The following BRWD1 variants were observed in gnomAD, a reference collection of about 807,000 sequenced individuals.
BRWD1 encodes the protein bromodomain and WD repeat domain containing 1, also known as bromodomain and WD repeat-containing protein 1.
A neutral mutation model predicts 251.2 loss-of-function variants in BRWD1; 82 were observed. The observed-to-expected ratio is 0.33, with a 90% CI of 0.27 to 0.39. The LOEUF (loss-of-function observed/expected upper bound fraction) is 0.39, where lower values mean the gene tolerates loss of function less well. Among genes scored for constraint, BRWD1 ranks in the 10% least tolerant of loss-of-function variants. The probability of loss-of-function intolerance (pLI) is 1.00; values close to 1 mark genes in which losing one functional copy is unlikely to be tolerated. For missense variants in BRWD1, 2,233 were observed against 2,711.6 expected, an observed-to-expected ratio of 0.82 and a Z score of 3.92; for synonymous variants, 918 against 902.8, an observed-to-expected ratio of 1.02 and a Z score of -0.30.
Position 39,200,349 on chromosome 21 carries a change from T to C in BRWD1, c.4623A>G (p.Ser1541=), listed in dbSNP as rs1336856536. 1.9e-6 allele frequency: 3 copies of C among 1,613,454 alleles called. No individual in the cohort carries two copies. The highest frequency in any genetic ancestry group is 1.7e-5 in the Admixed American group (1 of 59,794). ...EVEDSLATSL[S]SSASSSSEES... Reference sequence around the variant, plus strand: ...CCTCAGAACTACTGGAAGCTGACGATGACAAAGAGGTAGCTAAAGAATCTT... The same window carrying C: ...CCTCAGAACTACTGGAAGCTGACGACGACAAAGAGGTAGCTAAAGAATCTT... Residue 1541 remains serine, a synonymous_variant, in exon 39 of 41, where the codon TCA becomes TCG. Coordinates refer to ENST00000342449, the MANE Select transcript of BRWD1 (RefSeq NM_033656.4).
At chr21:39,236,448 G>A in intron 23 of BRWD1, 147 bp downstream of exon 23, 1 of 700,376 alleles carries the variant, frequency 1.4e-6, no homozygotes. Context: ...AGGGCTGACA[G>A]CTCGCCCAGA....
intron 8 of BRWD1, among the ~76,000 whole-genome samples, chr21:39,287,605 T>C (rs576419575): frequency 6.6e-6 from 1 of 152,346 alleles, no homozygotes; most frequent in African/African-American, 2.4e-5. Flanking sequence ...TACCCCTTTT[T>C]CAAATCTGAT....
At position 39,304,663 on chromosome 21, in the gene BRWD1, C is replaced by T. The variant is rs143584643; in HGVS notation, c.199-6081G>A. Among the ~76,000 whole-genome samples, 12 of 151,460 alleles carry T rather than the reference C, an allele frequency of 7.9e-5. No homozygotes were observed. The South Asian group carries it at 2.1e-3, about 26-fold the overall frequency. On this transcript the variant is annotated intron_variant, in intron 4 of 40. Transcript: ENST00000342449. ...ACCAAAACATCACTAAAAGAATGCACATAAAACTACACGCTGTTTACGGGA... is the reference window on the plus strand; with the variant it reads ...ACCAAAACATCACTAAAAGAATGCATATAAAACTACACGCTGTTTACGGGA...
rs2032158253 is a variant in BRWD1, at chr21:39,202,446, T to C, written c.4464A>G (p.Gly1488=). ...QSTSSRTAYL[G]THKTSAGISS... is the part of the protein sequence containing the mutation. ...AGATACCAGCACTTGTCTTGTGGGTTCCAAGATAAGCTGTCCTACTTGAGG... is the reference window on the plus strand; with the variant it reads ...AGATACCAGCACTTGTCTTGTGGGTCCCAAGATAAGCTGTCCTACTTGAGG... The change falls in exon 38 of 41, where the codon GGA becomes GGG. Residue 1488 remains glycine (G), a synonymous_variant. Transcript: ENST00000342449. 2 of 1,613,796 alleles carry C rather than the reference T, an allele frequency of 1.2e-6. No homozygotes were observed. The highest frequency in any genetic ancestry group is 2.2e-5 in the South Asian group (2 of 91,078).
Position 39,190,696 on chromosome 21 carries a change from A to G in BRWD1, c.*5563T>C. The G allele has an allele frequency of 1.0e-6, 1 of 985,444 alleles. No homozygotes were observed. The highest frequency in any genetic ancestry group is 1.7e-5 in the African/African-American group (1 of 57,366). The allele number at this position is 985,444 out of a possible 1,614,324, so 61.0% of individuals were successfully genotyped here. On this transcript the variant is annotated 3_prime_UTR_variant, in exon 41 of 41. Coordinates refer to ENST00000342449, the MANE Select transcript of BRWD1 (RefSeq NM_033656.4). ...AAGCAGAAGTTTCCAAAAACATCCC[A>G]TAAACTGAAGTACCCCAATGGCTGT...
In BRWD1 at chr21:39,258,507, C is replaced by A. The variant is rs377302322; in HGVS notation, c.2051G>T (p.Gly684Val). 10 of 1,599,658 alleles carry A rather than the reference C, an allele frequency of 6.3e-6. No homozygotes were observed. The highest frequency in any genetic ancestry group is 6.0e-6 in the Non-Finnish European group (7 of 1,173,252). Residue 684 changes from glycine to valine, a missense_variant, in exon 18 of 41, where the codon GGT becomes GTT. Gly to Val is a moderately radical substitution (Grantham distance 109). Transcript: ENST00000342449. Reference sequence around the variant, plus strand: ...ATTACCTCTCCGGGGTGTTTCTTCACCATTTGAAAGTCCTCTTGGAATAGT... The same window carrying A: ...ATTACCTCTCCGGGGTGTTTCTTCAACATTTGAAAGTCCTCTTGGAATAGT... ...QDTIPRGLSN[G>V]EETPRRGFRR...
chr21:39,200,497 A>AT (rs1429812244), intron 38 of BRWD1, 111 bp from the exon 39 acceptor site: 35 of 850,806 alleles, frequency 4.1e-5, no homozygotes, highest in Non-Finnish European at 5.0e-5. Flanking sequence ...ACAAAAGCAG[A>AT]TTCCTAAAAT....
chr21:39,194,342 G>A lies in BRWD1; in HGVS notation c.*1917C>T, dbSNP rs2031702542. 4.8e-6 allele frequency: 5 copies of A among 1,042,962 alleles called. No homozygotes were observed. Among genetic ancestry groups the A allele is most frequent in the African/African-American group, 1.7e-5 (1 of 58,824 alleles). The allele number at this position is 1,042,962 out of a possible 1,614,324, so 64.6% of individuals were successfully genotyped here. A position where few individuals can be genotyped will look rare whatever the true frequency, so the allele number is the denominator to read the frequency against. On this transcript the variant is annotated 3_prime_UTR_variant, in exon 41 of 41. Coordinates refer to ENST00000342449, the MANE Select transcript of BRWD1 (RefSeq NM_033656.4). ...AACAGATTATAAAAGAGAAGGTTAA[G>A]AAGAGTTTAAATAAATTAATGGATT...
rs8132475 is a variant in BRWD1, at chr21:39,305,581, T to C, written c.199-6999A>G. The stretch of plus-strand genomic sequence containing the variant: ...CCATCTCTACTAAAAATACAAAAAT[T>C]AGGCCTGGTGCAGTGGCTCACACCT... On this transcript the variant is annotated intron_variant, in intron 4 of 40. Transcript: ENST00000342449. Among the ~76,000 whole-genome samples the C allele has an allele frequency of 1.7e-3, 259 of 152,104 alleles. 1 individual carries two copies. Among genetic ancestry groups the C allele is most frequent in the African/African-American group, 6.1e-3 (252 of 41,514 alleles).
chr21:39,313,041 C>G, intron 3 of BRWD1, 31 bp downstream of exon 3: 2 of 1,368,432 alleles, frequency 1.5e-6, no homozygotes, highest in South Asian at 3.4e-5. Context: ...AGGAGGAACC[C>G]GAGGGAGCGC....
chr21:39,262,473 T>C (rs909241919), intron 17 of BRWD1, among the ~76,000 whole-genome samples: 8 of 152,250 alleles, frequency 5.3e-5, no homozygotes, highest in Non-Finnish European at 1.0e-4. Context: ...TCCCACCACT[T>C]TGGGAGGCCG....
intron 40 of BRWD1, among the ~76,000 whole-genome samples, chr21:39,197,853 G>A (rs2150410): frequency 0.93 from 141,145 of 152,274 alleles, 65,763 homozygotes; most frequent in African/African-American, 0.97. Context: ...ACTAAGCAAT[G>A]GAAATTTTTA....
intron 21 of BRWD1, among the ~76,000 whole-genome samples, chr21:39,246,856 G>C (rs1158179371): frequency 6.6e-6 from 1 of 152,212 alleles, no homozygotes; most frequent in African/African-American, 2.4e-5. Context: ...GCCGAGGCAG[G>C]TGGATCACAA....
intron 7 of BRWD1, 60 bp downstream of exon 7, chr21:39,295,683 T>C (rs2035943796): frequency 7.7e-7 from 1 of 1,298,548 alleles, no homozygotes; most frequent in Admixed American, 2.5e-5. Flanking sequence ...TCCTAGATGA[T>C]TCTGAAGCAC....
intron 21 of BRWD1, among the ~76,000 whole-genome samples, chr21:39,242,553 G>A (rs1051469695): frequency 2.6e-5 from 4 of 152,162 alleles, no homozygotes; most frequent in Non-Finnish European, 5.9e-5. Context: ...GATAATCAAG[G>A]AAAGTGGCTA....
intron 10 of BRWD1, among the ~76,000 whole-genome samples, chr21:39,277,729 A>G (rs1314459696): frequency 6.6e-6 from 1 of 151,942 alleles, no homozygotes; most frequent in Non-Finnish European, 1.5e-5. Context: ...ATGCCCAGCT[A>G]ATTTTTTGTA....
chr21:39,204,932 C>T (rs1035771671), intron 37 of BRWD1, among the ~76,000 whole-genome samples: 1 of 152,204 alleles, frequency 6.6e-6, no homozygotes, highest in African/African-American at 2.4e-5. Context: ...CCAGTCTACA[C>T]AGGGAGCAGG....
chr21:39,217,032 T>A (rs1423901545), intron 31 of BRWD1: 2 of 19,678 alleles, frequency 1.0e-4, no homozygotes, highest in African/African-American at 3.6e-4. Context: ...TATATATATA[T>A]ATAAATATAT....
chr21:39,298,710 A>G, intron 4 of BRWD1, 128 bp from the exon 5 acceptor site: 1 of 683,306 alleles, frequency 1.5e-6, no homozygotes, highest in Non-Finnish European at 2.2e-6. Context: ...AGAGAAATTA[A>G]AGACGACTTA....
Sources: allele counts gnomAD v4.1 joint callset (sites outside exome capture counted in the v4.1 genomes callset), GRCh38; gene constraint gnomAD v4.1.1; transcripts MANE v1.5; gene names NCBI Gene and HGNC (gene_info 2026-07-23, HGNC 2026-07-21).